LPIN1: variants seen among roughly 807,000 people sequenced by gnomAD.
LPIN1 encodes lipin 1.
A neutral mutation model predicts 107.5 loss-of-function variants in LPIN1; 71 were observed. That is an observed-to-expected ratio of 0.66 (90% confidence interval 0.55 to 0.80). LPIN1 has a LOEUF of 0.80. LPIN1 is among the 30% of genes least tolerant of loss of function. The pLI, the probability that LPIN1 is intolerant of heterozygous loss-of-function variation, is 0.00. For synonymous variants in LPIN1, 445 were observed against 452.6 expected, an observed-to-expected ratio of 0.98 and a Z score of 0.21; for missense variants, 1,043 against 1,160.6, an observed-to-expected ratio of 0.90 and a Z score of 1.47.
At chr2:11,732,911 C>CTCTGTG (rs560068426) in intron 1 of LPIN1, among the ~76,000 whole-genome samples, 4 of 149,008 alleles carry the variant, frequency 2.7e-5, no homozygotes, top group South Asian at 2.1e-4. Context: ...CTCTCTCTCT[C>CTCTGTG]TGTGTGTGTG....
At chr2:11,752,028 A>G (rs1168485765) in intron 1 of LPIN1, among the ~76,000 whole-genome samples, 1 of 152,244 alleles carries the variant, frequency 6.6e-6, no homozygotes, top group Non-Finnish European at 1.5e-5. Context: ...CCCATAATTT[A>G]TTAAGCCAGA....
chr2:11,689,724 C>T (rs1023642524), intron 1 of LPIN1, among the ~76,000 whole-genome samples: 8 of 152,012 alleles, frequency 5.3e-5, no homozygotes, highest in East Asian at 1.9e-4. Context: ...GCCAACATGG[C>T]GAAACCCCAT....
chr2:11,739,185 C>G (rs1045891267), intron 1 of LPIN1, among the ~76,000 whole-genome samples: 3 of 152,200 alleles, frequency 2.0e-5, no homozygotes, highest in Admixed American at 2.0e-4. Flanking sequence ...CTGTATTGCT[C>G]AATCAGCCTC....
At chr2:11,693,811 TATATA>T (rs1356448178) in intron 1 of LPIN1, among the ~76,000 whole-genome samples, 59 of 35,784 alleles carry the variant, frequency 1.6e-3, no homozygotes, top group Non-Finnish European at 3.0e-3. Flanking sequence ...TATATATATA[TATATA>T]TATATATTTT....
chr2:11,708,273 A>G (rs1465793451), intron 1 of LPIN1, among the ~76,000 whole-genome samples: 1 of 152,160 alleles, frequency 6.6e-6, no homozygotes, highest in East Asian at 1.9e-4. Context: ...TCTCTTTGGA[A>G]TGCTGAGTCA....
chr2:11,704,906 T>A (rs1408169504), intron 1 of LPIN1, among the ~76,000 whole-genome samples: 2 of 152,182 alleles, frequency 1.3e-5, no homozygotes, highest in Non-Finnish European at 2.9e-5. Flanking sequence ...TCATCACTGG[T>A]CAATGGCGAG....
intron 1 of LPIN1, among the ~76,000 whole-genome samples, chr2:11,754,323 GC>G (rs1668339421): frequency 6.6e-6 from 1 of 152,208 alleles, no homozygotes; most frequent in Non-Finnish European, 1.5e-5. Context: ...TGCCGTGAGG[GC>G]AGATGTGACA....
intron 1 of LPIN1, among the ~76,000 whole-genome samples, chr2:11,753,738 GCCGTAAGTGTAAATTA>G (rs1337242129): frequency 6.6e-6 from 1 of 152,154 alleles, no homozygotes; most frequent in Non-Finnish European, 1.5e-5. Context: ...CTTCCTCTTT[GCCGTAAGTGTAAATTA>G]CAGGAGGAAG....
intron 1 of LPIN1, among the ~76,000 whole-genome samples, chr2:11,704,511 T>G (rs1244467059): frequency 4.6e-5 from 7 of 152,170 alleles, no homozygotes; most frequent in Non-Finnish European, 1.5e-5. Context: ...AGATTTCTAT[T>G]CTGGGACTTA....
At chr2:11,759,861 T>C (rs1380784035) in intron 1 of LPIN1, among the ~76,000 whole-genome samples, 1 of 141,666 alleles carries the variant, frequency 7.1e-6, no homozygotes, top group African/African-American at 2.7e-5. Flanking sequence ...GGGCGGGGGC[T>C]GCCCCCCACC....
At chr2:11,727,685 T>C (rs2148542081) in intron 1 of LPIN1, among the ~76,000 whole-genome samples, 1 of 152,378 alleles carries the variant, frequency 6.6e-6, no homozygotes, top group East Asian at 1.9e-4. Flanking sequence ...CGAGTTTATA[T>C]CTGACTCCAA....
intron 1 of LPIN1, among the ~76,000 whole-genome samples, chr2:11,704,679 C>T (rs1488922741): frequency 6.6e-6 from 1 of 152,168 alleles, no homozygotes; most frequent in Admixed American, 6.5e-5. Context: ...TCATTGTACA[C>T]TCAGGGACAA....
chr2:11,764,072 G>GTATA (rs1670330699), intron 1 of LPIN1: 1 of 76,922 alleles, frequency 1.3e-5, no homozygotes, highest in African/African-American at 5.9e-5. Flanking sequence ...GTGTGTGTGT[G>GTATA]TGTGTGTATA....
intron 1 of LPIN1, among the ~76,000 whole-genome samples, chr2:11,731,479 G>A (rs1254771164): frequency 6.6e-6 from 1 of 152,170 alleles, no homozygotes; most frequent in Non-Finnish European, 1.5e-5. Flanking sequence ...TATCATTGAT[G>A]GGCATTTGAG....
chr2:11,784,899 G>C lies in LPIN1; in HGVS notation c.1372G>C (p.Gly458Arg), dbSNP rs1331134396. Residue 458 changes from glycine to arginine, a missense_variant, in exon 10 of 21, where the codon GGA becomes CGA. Transcript: ENST00000674199. ...TCCTCCTTCCAGCGGAGATCCTTCCGGACTCGCAAAACATGCAAGCGACAA... is the reference window on the plus strand; with the variant it reads ...TCCTCCTTCCAGCGGAGATCCTTCCCGACTCGCAAAACATGCAAGCGACAA... ...LYFPKNGDPS[G>R]LAKHASDNGA... The C allele has an allele frequency of 1.9e-6, 3 of 1,613,902 alleles. No individual in the cohort carries two copies. Among genetic ancestry groups the C allele is most frequent in the Non-Finnish European group, 2.5e-6 (3 of 1,179,996 alleles).
intron 5 of LPIN1, among the ~76,000 whole-genome samples, chr2:11,775,746 C>T (rs1176443036): frequency 6.6e-6 from 1 of 151,872 alleles, no homozygotes; most frequent in African/African-American, 2.4e-5. Flanking sequence ...ATTTCAATAT[C>T]CGGTGCTCTG....
At position 11,740,621 on chromosome 2, in the gene LPIN1, T is replaced by C. The variant is rs1431935946; in HGVS notation, c.-71-728T>C. Among the ~76,000 whole-genome samples the C allele has an allele frequency of 2.1e-5, 3 of 140,866 alleles. No homozygotes were observed. In the East Asian group the frequency reaches 6.1e-4, roughly 29 times the overall value. 92.4% of individuals were successfully genotyped at this position (140,866 alleles called of 152,430 possible). A position where few individuals can be genotyped will look rare whatever the true frequency, so the allele number is the denominator to read the frequency against. On this transcript the variant is annotated intron_variant, in intron 1 of 21. Transcript: ENST00000396097. Reference sequence around the variant, plus strand: ...ATTGCTTGAACCTGGTAGGTGGAGGTTGCAGTGAGCCAAGATCACCCCACT... The same window carrying C: ...ATTGCTTGAACCTGGTAGGTGGAGGCTGCAGTGAGCCAAGATCACCCCACT...
chr2:11,740,827 T>A (rs1483595062), intron 1 of LPIN1, among the ~76,000 whole-genome samples: 1 of 151,642 alleles, frequency 6.6e-6, no homozygotes, highest in Non-Finnish European at 1.5e-5. Flanking sequence ...GAGATGACAA[T>A]AAACAGAAAT....
intron 17 of LPIN1, among the ~76,000 whole-genome samples, chr2:11,813,161 G>A (rs931622335): frequency 6.6e-6 from 1 of 152,180 alleles, no homozygotes; most frequent in Non-Finnish European, 1.5e-5. Flanking sequence ...TCCACGGTGA[G>A]CACGTACTGC....
Sources: gnomAD v4.1 joint callset for allele counts (sites outside exome capture counted in the v4.1 genomes callset) on GRCh38, gnomAD v4.1.1 for gene constraint, MANE v1.5 for transcripts, NCBI Gene and HGNC (gene_info 2026-07-23, HGNC 2026-07-21) for gene names.